Variants in NAV1 observed in about 807,000 individuals in gnomAD.
NAV1 encodes the protein neuron navigator 1.
Under a neutral mutation model 175.2 loss-of-function variants are expected in NAV1, and 18 were observed. The observed-to-expected ratio is 0.10, with a 90% CI of 0.07 to 0.15. The LOEUF (loss-of-function observed/expected upper bound fraction) is 0.15, where lower values mean the gene tolerates loss of function less well. NAV1 is among the 10% of genes least tolerant of loss of function. The pLI is 1.00. For synonymous variants in NAV1, 897 were observed against 978.7 expected, an observed-to-expected ratio of 0.92 and a Z score of 1.56; for missense variants, 1,731 against 2,436.6, an observed-to-expected ratio of 0.71 and a Z score of 6.10.
intron 1 of NAV1, among the ~76,000 whole-genome samples, chr1:201,668,315 G>A (rs988942435): frequency 1.3e-5 from 2 of 152,086 alleles, no homozygotes; most frequent in Non-Finnish European, 2.9e-5. Flanking sequence ...GTACTCAAAC[G>A]GGAGTGAGCT....
At chr1:201,760,508 T>G (rs1231699276) in intron 3 of NAV1, among the ~76,000 whole-genome samples, 1 of 152,170 alleles carries the variant, frequency 6.6e-6, no homozygotes, top group Non-Finnish European at 1.5e-5. Context: ...GTTCTTTTTG[T>G]GTGGTGACCC....
rs1433752212 is a variant in NAV1, at chr1:201,789,891, G to A, written c.3219+99G>A. The A allele has an allele frequency of 1.2e-5, 14 of 1,125,282 alleles. No individual in the cohort carries two copies. In the East Asian group the frequency reaches 3.0e-4, roughly 25 times the overall value. 69.7% of individuals were successfully genotyped at this position (1,125,282 alleles called of 1,614,324 possible). The stretch of plus-strand genomic sequence containing the variant: ...AGTTGGGTAACTGGGCGGGGGATGG[G>A]GGCACTGCTGGCTCTTCACTGTACC... On this transcript the variant is annotated intron_variant, in intron 11 of 29. Coordinates refer to ENST00000367296, the Ensembl canonical transcript of NAV1.
At position 201,630,166 on chromosome 1, in the gene NAV1, A is replaced by G. The variant is rs1176774044; in HGVS notation, c.4+659A>G. 3.9e-5 allele frequency among the ~76,000 whole-genome samples: 6 copies of G among 152,346 alleles called. No homozygotes were observed. The East Asian group carries it at 1.2e-3, about 29-fold the overall frequency. ...CCATAGGTCAGGCCCTAAGTGGGTC[A>G]GATTCAAAACTCAGCAGCACTTACG... is the stretch of plus-strand genomic sequence containing the variant. On this transcript the variant is annotated intron_variant, in intron 2 of 29. Coordinates refer to the NAV1 transcript ENST00000367302.
At chr1:201,640,028 AC>A (rs1290547319) in intron 2 of NAV1, among the ~76,000 whole-genome samples, 1 of 151,558 alleles carries the variant, frequency 6.6e-6, no homozygotes, top group Non-Finnish European at 1.5e-5. Context: ...CGGCATTCCC[AC>A]CCTTCTGGAA....
At chr1:201,553,467 G>C (rs1571817326) in intron 1 of NAV1, among the ~76,000 whole-genome samples, 2 of 152,368 alleles carry the variant, frequency 1.3e-5, no homozygotes, top group Non-Finnish European at 1.5e-5. Context: ...GCCAGCCACT[G>C]TGTGTTCCAA....
chr1:201,612,642 T>G (rs1277507144), intron 2 of NAV1, among the ~76,000 whole-genome samples: 1 of 152,186 alleles, frequency 6.6e-6, no homozygotes, highest in Non-Finnish European at 1.5e-5. Context: ...GTCTCTTTTA[T>G]GAAGGGACTT....
intron 2 of NAV1, among the ~76,000 whole-genome samples, chr1:201,639,320 G>A (rs942712122): frequency 3.9e-5 from 6 of 152,188 alleles, no homozygotes; most frequent in Non-Finnish European, 5.9e-5. Context: ...AAGCCAGCGA[G>A]GTCATCAGGT....
At position 201,782,962 on chromosome 1, in the gene NAV1, T is replaced by G. The variant is rs1036813584; in HGVS notation, c.2357+93T>G. The stretch of plus-strand genomic sequence containing the variant: ...CTTGGACTAGATGAGGCATGGCCTA[T>G]CCACCGTTGTCTCTAGGCCTTTGCA... On this transcript the variant is annotated intron_variant, in intron 6 of 29. Coordinates refer to ENST00000367296, the Ensembl canonical transcript of NAV1. The surrounding 1 kb of genome is among the most constrained non-coding windows in gnomAD (Gnocchi z 5.4). 9.2e-7 allele frequency: 1 copy of G among 1,085,820 alleles called. No homozygotes were observed. Among genetic ancestry groups the G allele is most frequent in the African/African-American group, 1.6e-5 (1 of 62,554 alleles). 67.3% of individuals were successfully genotyped at this position (1,085,820 alleles called of 1,614,324 possible). A position where few individuals can be genotyped will look rare whatever the true frequency, so the allele number is the denominator to read the frequency against.
chr1:201,642,557 T>TTCTTTTTTTC (rs1668819760), intron 2 of NAV1, among the ~76,000 whole-genome samples: 2 of 106,018 alleles, frequency 1.9e-5, no homozygotes, highest in African/African-American at 8.5e-5. Context: ...TTCTTTCTTT[T>TTCTTTTTTTC]TTCCCTTTCT....
chr1:201,627,540 A>G (rs1231129085), intron 1 of NAV1, among the ~76,000 whole-genome samples: 1 of 111,908 alleles, frequency 8.9e-6, no homozygotes, highest in Admixed American at 1.1e-4. Context: ...CCCCACCCTA[A>G]GTACTGGGAT....
chr1:201,653,698 C>G (rs1362741074), intron 1 of NAV1, among the ~76,000 whole-genome samples: 1 of 152,104 alleles, frequency 6.6e-6, no homozygotes, highest in Admixed American at 6.5e-5. Flanking sequence ...TATCCAGCAC[C>G]CTCAGATTCC....
rs575464411 is a variant in NAV1 at position 201,664,499 on chromosome 1, A to G, written c.757+15074A>G. Among the ~76,000 whole-genome samples the G allele has an allele frequency of 5.9e-5, 9 of 152,348 alleles. No individual in the cohort carries two copies. In the South Asian group the frequency reaches 1.9e-3, roughly 32 times the overall value. ...CTATGAAGATTAAATGAGATAATGC[A>G]TGTAACACACTGAGCACAGTGCCTA... On this transcript the variant is annotated intron_variant, in intron 1 of 29. Coordinates refer to ENST00000367296, the Ensembl canonical transcript of NAV1.
intron 1 of NAV1, among the ~76,000 whole-genome samples, chr1:201,550,089 T>C (rs1665810381): frequency 6.7e-6 from 1 of 150,130 alleles, no homozygotes; most frequent in Admixed American, 6.6e-5. Flanking sequence ...GGACGCAGCA[T>C]GCCCATAAGG....
At chr1:201,549,760 C>T (rs1383741015) in intron 1 of NAV1, among the ~76,000 whole-genome samples, 1 of 150,172 alleles carries the variant, frequency 6.7e-6, no homozygotes, top group African/African-American at 2.5e-5. Flanking sequence ...CCTGTAATCC[C>T]AGCACTTCGG....
chr1:201,752,051 A>C (rs952543014), intron 3 of NAV1, among the ~76,000 whole-genome samples: 1 of 152,092 alleles, frequency 6.6e-6, no homozygotes, highest in Non-Finnish European at 1.5e-5. Context: ...CTGACCTTTG[A>C]CCTCCATGCA....
chr1:201,812,087 T>C lies in NAV1; in HGVS notation c.5024+113T>C, dbSNP rs1415122276. ...AGGAAAGAGAAGTATCCAGAGCTTT[T>C]TGGGCTGGAAATAGAAAGTAGATGT... On this transcript the variant is annotated intron_variant, in intron 26 of 29. Transcript: ENST00000367296. The surrounding 1 kb of genome is among the most constrained non-coding windows in gnomAD (Gnocchi z 4.6). 7.6e-6 allele frequency: 8 copies of C among 1,055,436 alleles called. No individual in the cohort carries two copies. The highest frequency in any genetic ancestry group is 2.1e-4 in the Middle Eastern group (1 of 4,720). 65.4% of individuals were successfully genotyped at this position (1,055,436 alleles called of 1,614,324 possible). A position where few individuals can be genotyped will look rare whatever the true frequency, so the allele number is the denominator to read the frequency against.
intron 3 of NAV1, among the ~76,000 whole-genome samples, chr1:201,775,348 T>TC (rs1170272326): frequency 6.6e-6 from 1 of 152,222 alleles, no homozygotes; most frequent in African/African-American, 2.4e-5. Context: ...AGAATGCTGG[T>TC]CTTACATGCT....
At chr1:201,779,758 T>A (rs1676200132) in intron 3 of NAV1, among the ~76,000 whole-genome samples, 2 of 152,142 alleles carry the variant, frequency 1.3e-5, no homozygotes, top group Admixed American at 1.3e-4. Context: ...ATCTCCCTAA[T>A]ACCACAGACC....
exon 30 of NAV1, chr1:201,819,946 A>G (rs752455814): frequency 2.5e-6 from 4 of 1,613,138 alleles, no homozygotes; most frequent in Admixed American, 3.3e-5. Context: ...TTCGGCAATC[A>G]CTGTCACCCC....
Sources: gnomAD v4.1 joint callset for allele counts (sites outside exome capture counted in the v4.1 genomes callset) on GRCh38, gnomAD v4.1.1 for gene constraint, Gnocchi (gnomAD v3.1) non-coding constraint, MANE v1.5 for transcripts, NCBI Gene and HGNC (gene_info 2026-07-23, HGNC 2026-07-21) for gene names.